KCNJ3: variants seen among roughly 807,000 people sequenced by gnomAD.
The protein encoded by KCNJ3 is G protein-activated inward rectifier potassium channel 1.
Under a neutral mutation model 39.2 loss-of-function variants are expected in KCNJ3, and 4 were observed. The ratio of observed to expected loss-of-function variants is 0.10; its 90% confidence interval spans 0.05 to 0.23. The LOEUF (loss-of-function observed/expected upper bound fraction) is 0.23. Among genes scored for constraint, KCNJ3 ranks in the 10% least tolerant of loss-of-function variants. KCNJ3 has a pLI of 1.00. For synonymous variants in KCNJ3, 230 were observed against 237.4 expected (o/e 0.97, Z 0.29); for missense variants, 276 against 634.9 (o/e 0.43, Z 6.08).
chr2:154,828,132 T>A lies in KCNJ3; in HGVS notation c.920-26595T>A, dbSNP rs186251138. ...GTCTTAGAAGACATTTATACTGTAATGACTCAGTTCTGAAGAATTACTACT... is the reference window on the plus strand; with the variant it reads ...GTCTTAGAAGACATTTATACTGTAAAGACTCAGTTCTGAAGAATTACTACT... On this transcript the variant is annotated intron_variant, in intron 2 of 2. Transcript: ENST00000295101. Among the ~76,000 whole-genome samples, 277 of 152,320 alleles carry A rather than the reference T, an allele frequency of 1.8e-3. 1 individual carries two copies. The highest frequency in any genetic ancestry group is 2.7e-3 in the Non-Finnish European group (182 of 68,032).
intron 2 of KCNJ3, among the ~76,000 whole-genome samples, chr2:154,747,596 A>G (rs975153974): frequency 1.3e-5 from 2 of 151,902 alleles, no homozygotes; most frequent in Non-Finnish European, 2.9e-5. Context: ...TCTTACCCCC[A>G]TCTCCATTAT....
At chr2:154,735,060 C>T (rs965088367) in intron 2 of KCNJ3, among the ~76,000 whole-genome samples, 2 of 131,790 alleles carry the variant, frequency 1.5e-5, no homozygotes, top group African/African-American at 3.2e-5. Flanking sequence ...TTCCACTCCC[C>T]TTGTAGGCCT....
intron 2 of KCNJ3, among the ~76,000 whole-genome samples, chr2:154,761,648 A>T (rs1325362139): frequency 6.6e-6 from 1 of 152,154 alleles, no homozygotes; most frequent in South Asian, 2.1e-4. Context: ...GATAGATAGG[A>T]TTTTTTGACT....
intron 2 of KCNJ3, among the ~76,000 whole-genome samples, chr2:154,738,877 A>G (rs1054573282): frequency 6.6e-6 from 1 of 152,094 alleles, no homozygotes; most frequent in African/African-American, 2.4e-5. Flanking sequence ...AAAAATTGTT[A>G]AAAGAAGTCC....
intron 2 of KCNJ3, among the ~76,000 whole-genome samples, chr2:154,754,902 A>G (rs985315057): frequency 1.3e-5 from 2 of 152,188 alleles, no homozygotes; most frequent in African/African-American, 2.4e-5. Context: ...TTAATTGCAA[A>G]TATAATTTTT....
intron 2 of KCNJ3, among the ~76,000 whole-genome samples, chr2:154,833,740 T>G (rs1331018948): frequency 6.6e-6 from 1 of 152,218 alleles, no homozygotes; most frequent in Non-Finnish European, 1.5e-5. Flanking sequence ...ATCTTTCTAC[T>G]CTTTCCATAG....
intron 2 of KCNJ3, among the ~76,000 whole-genome samples, chr2:154,723,130 A>G (rs1685292995): frequency 6.6e-6 from 1 of 152,012 alleles, no homozygotes. Flanking sequence ...AAAAATTACA[A>G]AAATAATAGT....
intron 2 of KCNJ3, among the ~76,000 whole-genome samples, chr2:154,852,815 TTA>T (rs1199749122): frequency 2.6e-5 from 4 of 152,094 alleles, no homozygotes; most frequent in Non-Finnish European, 5.9e-5. Context: ...ATTTATTATC[TTA>T]TATATAAATG....
intron 2 of KCNJ3, among the ~76,000 whole-genome samples, chr2:154,841,323 A>G (rs959375881): frequency 6.6e-6 from 1 of 152,122 alleles, no homozygotes; most frequent in African/African-American, 2.4e-5. Context: ...GTGCTGCTGG[A>G]TTCAGTTTGC....
chr2:154,740,306 C>A (rs2105174374), intron 2 of KCNJ3, among the ~76,000 whole-genome samples: 1 of 152,064 alleles, frequency 6.6e-6, no homozygotes, highest in Non-Finnish European at 1.5e-5. Flanking sequence ...TAAAAAGGTA[C>A]CTGCTGGTCT....
intron 2 of KCNJ3, among the ~76,000 whole-genome samples, chr2:154,804,365 G>A (rs1686874119): frequency 6.6e-6 from 1 of 152,134 alleles, no homozygotes; most frequent in African/African-American, 2.4e-5. Context: ...TTATGATTGA[G>A]CTGTTTCTGA....
intron 2 of KCNJ3, among the ~76,000 whole-genome samples, chr2:154,788,368 G>A (rs572663213): frequency 1.3e-5 from 2 of 152,224 alleles, no homozygotes; most frequent in South Asian, 2.1e-4. Context: ...AAGTTCATGA[G>A]CAGAGCCAGT....
At chr2:154,733,326 C>A (rs3106681) in intron 2 of KCNJ3, among the ~76,000 whole-genome samples, 40,622 of 151,784 alleles carry the variant, frequency 0.27, 5,590 homozygotes, top group South Asian at 0.29. Flanking sequence ...AATTAGCCTG[C>A]AGTGTTTTCC....
chr2:154,740,820 A>C (rs1685640452), intron 2 of KCNJ3, among the ~76,000 whole-genome samples: 1 of 152,056 alleles, frequency 6.6e-6, no homozygotes, highest in Admixed American at 6.6e-5. Context: ...GGATTGTCAG[A>C]ATCTACCAGT....
At chr2:154,837,541 A>C (rs576630503) in intron 2 of KCNJ3, among the ~76,000 whole-genome samples, 1 of 152,236 alleles carries the variant, frequency 6.6e-6, no homozygotes, top group South Asian at 2.1e-4. Context: ...TGGGAATGGA[A>C]GACTTTTATT....
At chr2:154,731,074 TTTGAGG>T (rs1431609719) in intron 2 of KCNJ3, among the ~76,000 whole-genome samples, 1 of 151,638 alleles carries the variant, frequency 6.6e-6, no homozygotes, top group Non-Finnish European at 1.5e-5. Flanking sequence ...CCTCTGAGAG[TTTGAGG>T]TTAAGGTAGC....
intron 2 of KCNJ3, 151 bp from the exon 3 acceptor site, chr2:154,854,576 G>C (rs1687807836): frequency 5.3e-6 from 3 of 561,766 alleles, no homozygotes; most frequent in Non-Finnish European, 9.4e-6. Flanking sequence ...TATTAACTTA[G>C]AGTACAACTT....
intron 2 of KCNJ3, among the ~76,000 whole-genome samples, chr2:154,767,905 T>A (rs909197152): frequency 1.3e-5 from 2 of 152,222 alleles, no homozygotes; most frequent in Admixed American, 6.5e-5. Flanking sequence ...GGTATCTCAT[T>A]GTGGTTTTGA....
intron 2 of KCNJ3, among the ~76,000 whole-genome samples, chr2:154,735,877 G>A (rs979730807): frequency 1.3e-5 from 2 of 152,180 alleles, no homozygotes; most frequent in African/African-American, 4.8e-5. Context: ...TTGATTTTGA[G>A]TGAGTGACAT....
Sources: allele counts gnomAD v4.1 joint callset (sites outside exome capture counted in the v4.1 genomes callset), GRCh38; gene constraint gnomAD v4.1.1; transcripts MANE v1.5; gene names NCBI Gene and HGNC (gene_info 2026-07-23, HGNC 2026-07-21).